The following ZBTB40 variants were observed in gnomAD, a reference collection of about 807,000 sequenced individuals.
The protein encoded by ZBTB40 is zinc finger and BTB domain containing 40, also known as zinc finger and BTB domain-containing protein 40.
ZBTB40 carries 60 observed loss-of-function variants against 117.5 expected under a neutral mutation model. The observed-to-expected ratio is 0.51, with a 90% CI of 0.41 to 0.63. The LOEUF (loss-of-function observed/expected upper bound fraction) is 0.63. Among genes scored for constraint, ZBTB40 ranks in the 30% least tolerant of loss-of-function variants. The pLI is 0.00. For synonymous variants in ZBTB40, 525 were observed against 577.1 expected, an observed-to-expected ratio of 0.91 and a Z score of 1.29; for missense variants, 1,287 against 1,498.5, an observed-to-expected ratio of 0.86 and a Z score of 2.33.
At chr1:22,516,792 C>T (rs1278682717) in intron 12 of ZBTB40, among the ~76,000 whole-genome samples, 3 of 152,182 alleles carry the variant, frequency 2.0e-5, no homozygotes, top group Non-Finnish European at 2.9e-5. Context: ...GCAGTCTGGT[C>T]ATTATATCCT....
In ZBTB40 at chr1:22,508,703, G is replaced by A; in HGVS notation, c.1671G>A (p.Glu557=). 1.2e-6 allele frequency: 2 copies of A among 1,614,048 alleles called. No individual in the cohort carries two copies. The highest frequency in any genetic ancestry group is 1.7e-6 in the Non-Finnish European group (2 of 1,180,036). The change falls in exon 8 of 18, where the codon GAG becomes GAA. Residue 557 remains glutamate, a synonymous_variant. Transcript: ENST00000375647. ...TGCTCATGGAGGAAATACGAAGGGA[G>A]CCTGGTGCCGATGCTTTCTTCCGGG... ...LDLLMEEIRR[E]PGADAFFRAV... is the part of the protein sequence containing the mutation.
In ZBTB40 at chr1:22,511,817, G is replaced by T. The variant is rs1166663904; in HGVS notation, c.2144G>T (p.Gly715Val). 7 of 1,614,016 alleles carry T rather than the reference G, an allele frequency of 4.3e-6. No homozygotes were observed. The African/African-American group carries it at 9.3e-5, about 22-fold the overall frequency. Reference protein sequence around the residue: ...PGEQNDQGETGSLPGQQEKEA... With the variant: ...PGEQNDQGETVSLPGQQEKEA... Reference sequence around the variant, plus strand: ...GAACAGAATGATCAAGGAGAGACTGGTTCCTTGCCAGGACAGCAAGAGAAA... The same window carrying T: ...GAACAGAATGATCAAGGAGAGACTGTTTCCTTGCCAGGACAGCAAGAGAAA... Residue 715 changes from glycine to valine, a missense_variant, in exon 11 of 18, where the codon GGT becomes GTT. By Grantham distance (109) the Gly-to-Val change is moderately radical. This residue lies in a region of ZBTB40 where 870 missense variants were observed against 934.4 expected (regional missense o/e 0.93). Coordinates refer to ENST00000375647, the MANE Select transcript of ZBTB40 (RefSeq NM_014870.4).
At chr1:22,472,087 A>G (rs570046035) in intron 1 of ZBTB40, among the ~76,000 whole-genome samples, 8 of 152,188 alleles carry the variant, frequency 5.3e-5, no homozygotes, top group African/African-American at 1.9e-4. Context: ...TGGGCAGGGG[A>G]CCTTATCCGT....
At chr1:22,431,297 T>A (rs944259733) in intron 1 of ZBTB40, among the ~76,000 whole-genome samples, 18 of 144,858 alleles carry the variant, frequency 1.2e-4, no homozygotes, top group Non-Finnish European at 1.5e-5. Context: ...ATATTGAATA[T>A]ATTGAATATA....
intron 16 of ZBTB40, among the ~76,000 whole-genome samples, chr1:22,523,009 G>A (rs1201168196): frequency 7.0e-6 from 1 of 142,016 alleles, no homozygotes; most frequent in Non-Finnish European, 1.5e-5. Context: ...GTGCAGTGGC[G>A]CGATCTCGGC....
At chr1:22,486,365 T>C (rs1229939251) in intron 1 of ZBTB40, among the ~76,000 whole-genome samples, 1 of 152,198 alleles carries the variant, frequency 6.6e-6, no homozygotes, top group East Asian at 1.9e-4. Context: ...TTTGTTTTTT[T>C]CCAGGTAGGT....
At chr1:22,477,952 CTTG>C (rs1641590608) in intron 1 of ZBTB40, among the ~76,000 whole-genome samples, 1 of 152,186 alleles carries the variant, frequency 6.6e-6, no homozygotes, top group Non-Finnish European at 1.5e-5. Flanking sequence ...TTTTATACCT[CTTG>C]TTTGTAAATA....
At chr1:22,498,170 T>G (rs938464208) in intron 3 of ZBTB40, among the ~76,000 whole-genome samples, 1 of 152,258 alleles carries the variant, frequency 6.6e-6, no homozygotes, top group Non-Finnish European at 1.5e-5. Context: ...TCTGTGACCT[T>G]ATTAACATGA....
chr1:22,461,766 GTC>G (rs1376523875), intron 1 of ZBTB40, among the ~76,000 whole-genome samples: 1 of 152,178 alleles, frequency 6.6e-6, no homozygotes, highest in Admixed American at 6.5e-5. Context: ...GCTGAAAGTG[GTC>G]TCTTCTTCCC....
chr1:22,468,537 A>G (rs945406819), intron 1 of ZBTB40, among the ~76,000 whole-genome samples: 9 of 134,840 alleles, frequency 6.7e-5, no homozygotes, highest in African/African-American at 2.2e-4. Flanking sequence ...GTGCAGTGAC[A>G]CAATCATGGC....
intron 3 of ZBTB40, among the ~76,000 whole-genome samples, chr1:22,498,785 T>TG (rs1366169187): frequency 2.9e-5 from 2 of 67,986 alleles, no homozygotes; most frequent in African/African-American, 2.3e-4. Flanking sequence ...GAGTTTCAGG[T>TG]GGAAAAAAAA....
chr1:22,531,061 C>T lies in ZBTB40; in HGVS notation c.*4665C>T, dbSNP rs1486533638. 3 of 152,144 alleles carry T rather than the reference C, an allele frequency of 2.0e-5. No homozygotes were observed. Among genetic ancestry groups the T allele is most frequent in the African/African-American group, 7.2e-5 (3 of 41,422 alleles). 9.4% of individuals were successfully genotyped at this position (152,144 alleles called of 1,614,324 possible). Reference sequence around the variant, plus strand: ...AAAATGGGGAAAATGATTGTGCTTGCCCTACAGAATTGTAGTATGAATTAA... The same window carrying T: ...AAAATGGGGAAAATGATTGTGCTTGTCCTACAGAATTGTAGTATGAATTAA... On this transcript the variant is annotated 3_prime_UTR_variant, in exon 18 of 18. Coordinates refer to ENST00000375647, the MANE Select transcript of ZBTB40 (RefSeq NM_014870.4).
At chr1:22,468,486 T>TTTTTTTTTTTTTG (rs1641314950) in intron 1 of ZBTB40, among the ~76,000 whole-genome samples, 1 of 130,692 alleles carries the variant, frequency 7.7e-6, no homozygotes. Context: ...TTTTTTTTTT[T>TTTTTTTTTTTTTG]TTTTTTGGAG....
intron 1 of ZBTB40, among the ~76,000 whole-genome samples, chr1:22,444,646 C>T (rs761820332): frequency 1.3e-5 from 2 of 152,152 alleles, no homozygotes; most frequent in Admixed American, 1.3e-4. Flanking sequence ...AGTGAGCATG[C>T]GTACGACTTC....
At chr1:22,439,007 A>C (rs1026674960) in intron 1 of ZBTB40, among the ~76,000 whole-genome samples, 1 of 152,074 alleles carries the variant, frequency 6.6e-6, no homozygotes, top group African/African-American at 2.4e-5. Context: ...AGCTGGGACC[A>C]CAGGTGCCCA....
At chr1:22,470,977 C>T (rs1473145113) in intron 1 of ZBTB40, among the ~76,000 whole-genome samples, 1 of 152,228 alleles carries the variant, frequency 6.6e-6, no homozygotes, top group African/African-American at 2.4e-5. Flanking sequence ...TCACAGATAA[C>T]TGCAAAGAAT....
chr1:22,506,000 A>G, intron 5 of ZBTB40, 49 bp from the exon 6 acceptor site: 1 of 1,602,410 alleles, frequency 6.2e-7, no homozygotes, highest in Admixed American at 1.7e-5. Flanking sequence ...TGTCAGATAA[A>G]TGTTGAATTG....
At chr1:22,478,757 A>G (rs1423234679) in intron 1 of ZBTB40, among the ~76,000 whole-genome samples, 1 of 152,116 alleles carries the variant, frequency 6.6e-6, no homozygotes, top group Non-Finnish European at 1.5e-5. Context: ...ATGTTGGTGC[A>G]TTTTAGATAT....
intron 1 of ZBTB40, among the ~76,000 whole-genome samples, chr1:22,446,239 A>T (rs1020207222): frequency 3.0e-4 from 2 of 6,676 alleles, no homozygotes; most frequent in African/African-American, 9.1e-4. Context: ...AAAAAAAATG[A>T]GAAAAAAAGA....
Sources: allele counts gnomAD v4.1 joint callset (sites outside exome capture counted in the v4.1 genomes callset), GRCh38; gene constraint gnomAD v4.1.1; regional missense constraint gnomAD v4.1.1; transcripts MANE v1.5; gene names NCBI Gene and HGNC (gene_info 2026-07-23, HGNC 2026-07-21).